The following SCML2 variants were observed in gnomAD, a reference collection of about 807,000 sequenced individuals.
SCML2 encodes the protein sex comb on midleg-like protein 2.
In SCML2, 6 loss-of-function variants were observed where a neutral mutation model predicts 48.4. The ratio of observed to expected loss-of-function variants is 0.12; its 90% CI spans 0.07 to 0.24. The LOEUF (loss-of-function observed/expected upper bound fraction) is 0.24. SCML2 is among the 10% of genes least tolerant of loss of function. The pLI is 1.00. For synonymous variants in SCML2, 181 were observed against 189.5 expected (o/e 0.95, Z 0.37); for missense variants, 377 against 528.2 (o/e 0.71, Z 2.81).
At chrX:18,308,449 A>AAT (rs1263356999) in intron 6 of SCML2, among the ~76,000 whole-genome samples, 3 of 109,833 alleles carry the variant, frequency 2.7e-5, no homozygotes, top group African/African-American at 9.9e-5. Context: ...TAATAACTAG[A>AAT]ATATATAGGG....
At chrX:18,347,281 C>T (rs1930227710) in intron 1 of SCML2, among the ~76,000 whole-genome samples, 1 of 106,872 alleles carries the variant, frequency 9.4e-6, no homozygotes, top group Admixed American at 1.0e-4. Context: ...CCCGTCTCTA[C>T]CAAAAATACA....
intron 6 of SCML2, among the ~76,000 whole-genome samples, chrX:18,309,653 T>C (rs1402298787): frequency 9.0e-6 from 1 of 111,643 alleles, no homozygotes; most frequent in African/African-American, 3.3e-5. Flanking sequence ...TGGAGGCCAT[T>C]ACCCTAAAGG....
intron 2 of SCML2, 143 bp from the exon 3 acceptor site, chrX:18,330,798 T>G: frequency 2.7e-6 from 1 of 372,768 alleles, no homozygotes. Context: ...TACCATTTTC[T>G]AATGTACTAT....
chrX:18,312,028 G>A (rs1416438034), intron 6 of SCML2, among the ~76,000 whole-genome samples: 2 of 111,900 alleles, frequency 1.8e-5, no homozygotes, highest in African/African-American at 6.5e-5. Context: ...CTGACCTCAA[G>A]TGATCCACCC....
chrX:18,251,749 C>A (rs1926673271), intron 11 of SCML2, among the ~76,000 whole-genome samples: 1 of 112,199 alleles, frequency 8.9e-6, no homozygotes, highest in Non-Finnish European at 1.9e-5. Flanking sequence ...ACAGAGTTAA[C>A]CATATGACCC....
intron 7 of SCML2, among the ~76,000 whole-genome samples, chrX:18,294,657 C>A (rs966968157): frequency 1.8e-5 from 2 of 110,848 alleles, no homozygotes; most frequent in Non-Finnish European, 3.8e-5. Context: ...CAACATCTCC[C>A]AACATCCACC....
At chrX:18,327,441 C>T (rs949116088) in intron 3 of SCML2, among the ~76,000 whole-genome samples, 2 of 111,870 alleles carry the variant, frequency 1.8e-5, no homozygotes, top group African/African-American at 6.5e-5. Context: ...AAGAAGTTGA[C>T]ACCCTGGAGG....
intron 1 of SCML2, among the ~76,000 whole-genome samples, chrX:18,344,151 T>C (rs1209000999): frequency 1.8e-5 from 2 of 108,810 alleles, no homozygotes; most frequent in Non-Finnish European, 1.9e-5. Context: ...CCGGGCAACA[T>C]AGTGAGACCC....
At chrX:18,343,435 A>G (rs746495114) in intron 1 of SCML2, among the ~76,000 whole-genome samples, 16 of 110,822 alleles carry the variant, frequency 1.4e-4, no homozygotes, top group Admixed American at 4.8e-4. Context: ...AATGAATACA[A>G]CTGTAGAATT....
At chrX:18,349,544 ACTT>A (rs1930306038) in intron 1 of SCML2, among the ~76,000 whole-genome samples, 1 of 112,595 alleles carries the variant, frequency 8.9e-6, no homozygotes, top group Admixed American at 9.4e-5. Context: ...TAATCCCAGC[ACTT>A]TGGGAGGCCA....
Position 18,265,652 on chromosome X carries a change from A to C in SCML2, c.881T>G (p.Val294Gly), listed in dbSNP as rs753711193. 51 of 1,209,151 alleles carry C rather than the reference A, an allele frequency of 4.2e-5. No individual in the cohort carries two copies. The highest frequency in any genetic ancestry group is 5.4e-5 in the Non-Finnish European group (48 of 894,804). ...SRIKPPGPTAVPKRSSSVKNI... is the reference protein window; with the variant it reads ...SRIKPPGPTAGPKRSSSVKNI... ...TTTAACAGAACTGCTCCTTTTGGGG[A>C]CTGCAGTAGGTCCAGGTGGTTTAAT... The change falls in exon 8 of 15, where the codon GTC becomes GGC. Residue 294 changes from valine (V) to glycine (G), a missense_variant. Transcript: ENST00000251900.
chrX:18,289,807 G>A (rs968385900), intron 7 of SCML2, among the ~76,000 whole-genome samples: 18 of 111,420 alleles, frequency 1.6e-4, no homozygotes, highest in African/African-American at 4.9e-4. Context: ...TCCTCTCTGC[G>A]CATACCTGAA....
intron 6 of SCML2, among the ~76,000 whole-genome samples, chrX:18,309,974 A>G (rs1928894014): frequency 8.9e-6 from 1 of 111,903 alleles, no homozygotes; most frequent in African/African-American, 3.3e-5. Flanking sequence ...CAACAGGTGA[A>G]TAAAGAAAAT....
chrX:18,283,622 G>A (rs1250715181), intron 7 of SCML2, among the ~76,000 whole-genome samples: 1 of 112,345 alleles, frequency 8.9e-6, no homozygotes, highest in Non-Finnish European at 1.9e-5. Flanking sequence ...GGAAAAATGA[G>A]TAACATTTCT....
At chrX:18,278,980 G>T (rs1304063103) in intron 7 of SCML2, among the ~76,000 whole-genome samples, 2 of 112,745 alleles carry the variant, frequency 1.8e-5, no homozygotes, top group Non-Finnish European at 3.8e-5. Context: ...GGCCGGTCCA[G>T]AAGGGGTGTG....
At chrX:18,266,392 G>A (rs1320317258) in intron 7 of SCML2, among the ~76,000 whole-genome samples, 1 of 111,572 alleles carries the variant, frequency 9.0e-6, no homozygotes, top group East Asian at 2.8e-4. Flanking sequence ...TTACATTAAT[G>A]TTGTCATGGA....
intron 7 of SCML2, among the ~76,000 whole-genome samples, chrX:18,277,815 G>C (rs148663763): frequency 0.015 from 1,660 of 111,162 alleles, 31 homozygotes; most frequent in African/African-American, 0.051. Flanking sequence ...TAATAATCCA[G>C]TGTAATAGGG....
At chrX:18,328,596 C>G (rs1301047393) in intron 3 of SCML2, among the ~76,000 whole-genome samples, 1 of 111,648 alleles carries the variant, frequency 9.0e-6, no homozygotes, top group Non-Finnish European at 1.9e-5. Context: ...CACTTGAGAC[C>G]AGAAGGTCAA....
chrX:18,264,848 G>A (rs1927204402), intron 8 of SCML2, among the ~76,000 whole-genome samples: 1 of 111,530 alleles, frequency 9.0e-6, no homozygotes, highest in African/African-American at 3.3e-5. Context: ...CAGATCAGGG[G>A]TCTGTCAGAG....
Sources: gnomAD v4.1 joint callset for allele counts (sites outside exome capture counted in the v4.1 genomes callset) on GRCh38, gnomAD v4.1.1 for gene constraint, MANE v1.5 for transcripts, NCBI Gene and HGNC (gene_info 2026-07-23, HGNC 2026-07-21) for gene names.